The following GRIK3 variants were observed in gnomAD, a reference collection of about 807,000 sequenced individuals.
The protein encoded by GRIK3 is glutamate ionotropic receptor kainate type subunit 3.
GRIK3 carries 29 observed loss-of-function variants against 102.5 expected under a neutral mutation model. That is an observed-to-expected ratio of 0.28 (90% confidence interval 0.21 to 0.39). The LOEUF (loss-of-function observed/expected upper bound fraction) is 0.39, where lower values mean the gene tolerates loss of function less well. Ranked by LOEUF, GRIK3 falls within the 10% of genes least tolerant of loss-of-function variation. The probability of loss-of-function intolerance (pLI) is 1.00; values close to 1 mark genes in which losing one functional copy is unlikely to be tolerated. For missense variants in GRIK3, 908 were observed against 1,252.4 expected (o/e 0.73, Z 4.15); for synonymous variants, 511 against 504.9 (o/e 1.01, Z -0.16).
chr1:36,807,772 C>G (rs536864388), intron 13 of GRIK3, among the ~76,000 whole-genome samples: 15 of 152,168 alleles, frequency 9.9e-5, no homozygotes, highest in Non-Finnish European at 2.1e-4. Flanking sequence ...CATCTGAGCA[C>G]CATATCAGTT....
At chr1:37,004,827 C>T (rs1390328629) in intron 1 of GRIK3, among the ~76,000 whole-genome samples, 1 of 152,218 alleles carries the variant, frequency 6.6e-6, no homozygotes, top group African/African-American at 2.4e-5. Context: ...CTTCCTCATC[C>T]CTCTTCCCAC....
chr1:36,840,836 G>C (rs1342923759), intron 10 of GRIK3, among the ~76,000 whole-genome samples: 1 of 152,248 alleles, frequency 6.6e-6, no homozygotes, highest in Non-Finnish European at 1.5e-5. Flanking sequence ...CTGGGCCACA[G>C]CCTGGGCGTC....
chr1:36,935,090 C>T (rs1360716105), intron 1 of GRIK3, among the ~76,000 whole-genome samples: 1 of 152,218 alleles, frequency 6.6e-6, no homozygotes, highest in Non-Finnish European at 1.5e-5. Flanking sequence ...TATTCTGTTA[C>T]ATGCACTTAG....
chr1:36,907,932 G>A (rs1243043309), intron 1 of GRIK3, among the ~76,000 whole-genome samples: 1 of 152,102 alleles, frequency 6.6e-6, no homozygotes, highest in African/African-American at 2.4e-5. Context: ...TTGCCCAGGA[G>A]GAGGGGTCAC....
intron 1 of GRIK3, among the ~76,000 whole-genome samples, chr1:36,983,729 A>G (rs998507390): frequency 6.6e-6 from 1 of 152,100 alleles, no homozygotes; most frequent in Non-Finnish European, 1.5e-5. Context: ...CCCCCAGTTT[A>G]AATTAAGTTC....
At chr1:36,995,371 TTGAC>T (rs948297056) in intron 1 of GRIK3, among the ~76,000 whole-genome samples, 2 of 152,180 alleles carry the variant, frequency 1.3e-5, no homozygotes, top group Non-Finnish European at 2.9e-5. Flanking sequence ...CTTCAAATGA[TTGAC>T]TAAGCCTGGG....
chr1:36,892,217 C>T (rs1641125731), intron 1 of GRIK3, among the ~76,000 whole-genome samples: 1 of 152,136 alleles, frequency 6.6e-6, no homozygotes, highest in African/African-American at 2.4e-5. Flanking sequence ...TGGGATTTCA[C>T]CATGTTGGCC....
At chr1:36,942,098 G>T (rs1641727169) in intron 1 of GRIK3, among the ~76,000 whole-genome samples, 1 of 152,212 alleles carries the variant, frequency 6.6e-6, no homozygotes, top group Non-Finnish European at 1.5e-5. Flanking sequence ...TGCCAGCCTG[G>T]GGTTGGGAGA....
At position 36,819,195 on chromosome 1, in the gene GRIK3, C is replaced by T. The variant is rs1417442876; in HGVS notation, c.1873+541G>A. On this transcript the variant is annotated intron_variant, in intron 12 of 15. Transcript: ENST00000373091. This position sits in a 1 kb window ranked among gnomAD's most constrained non-coding sequence, Gnocchi z 4.1. ...CAACTCAGCCATGATCCTTCCTACTCCCAGGCACCTCACAGCCAAGCGGCC... is the reference window on the plus strand; with the variant it reads ...CAACTCAGCCATGATCCTTCCTACTTCCAGGCACCTCACAGCCAAGCGGCC... 6.6e-6 allele frequency among the ~76,000 whole-genome samples: 1 copy of T among 152,230 alleles called. No individual in the cohort carries two copies. Among genetic ancestry groups the T allele is most frequent in the East Asian group, 1.9e-4 (1 of 5,192 alleles).
At chr1:36,821,611 C>T (rs995246514) in intron 11 of GRIK3, among the ~76,000 whole-genome samples, 2 of 152,234 alleles carry the variant, frequency 1.3e-5, no homozygotes, top group South Asian at 4.1e-4. Context: ...GTCCACAGTG[C>T]TTCCCCTGGA....
chr1:37,034,154 C>A lies in GRIK3; in HGVS notation c.-46G>T. The A allele has an allele frequency of 1.0e-6, 1 of 1,000,112 alleles. No individual in the cohort carries two copies. The highest frequency in any genetic ancestry group is 1.4e-6 in the Non-Finnish European group (1 of 707,002). 62.0% of individuals were successfully genotyped at this position (1,000,112 alleles called of 1,614,324 possible). The stretch of plus-strand genomic sequence containing the variant: ...GCCCGGGGCGCGGCCGTGGCGGGCT[C>A]CCTGGGGCGGCAGCTCTAGGCGCGG... On this transcript the variant is annotated 5_prime_UTR_variant, in exon 1 of 16. Coordinates refer to ENST00000373091, the MANE Select transcript of GRIK3 (RefSeq NM_000831.4).
intron 5 of GRIK3, among the ~76,000 whole-genome samples, chr1:36,862,747 T>A (rs1415547091): frequency 6.6e-6 from 1 of 152,156 alleles, no homozygotes; most frequent in Non-Finnish European, 1.5e-5. Context: ...AGTTGCCTCA[T>A]CTGCAAAATG....
chr1:36,887,818 AG>A (rs1481642054), intron 2 of GRIK3, among the ~76,000 whole-genome samples: 2 of 150,276 alleles, frequency 1.3e-5, no homozygotes, highest in African/African-American at 4.9e-5. Context: ...TGAGAGAGAG[AG>A]AGAGACAGAG....
At chr1:36,904,149 TA>T (rs968129376) in intron 1 of GRIK3, among the ~76,000 whole-genome samples, 1 of 152,048 alleles carries the variant, frequency 6.6e-6, no homozygotes, top group Non-Finnish European at 1.5e-5. Context: ...TAAAATCTAT[TA>T]AAAAGAAAAA....
At chr1:36,961,784 C>T (rs1192283240) in intron 1 of GRIK3, among the ~76,000 whole-genome samples, 1 of 152,246 alleles carries the variant, frequency 6.6e-6, no homozygotes, top group Non-Finnish European at 1.5e-5. Flanking sequence ...TCTTTGTTCT[C>T]CAGCCCACCT....
chr1:36,883,108 A>G (rs1428433239), intron 2 of GRIK3, among the ~76,000 whole-genome samples: 3 of 152,214 alleles, frequency 2.0e-5, no homozygotes, highest in African/African-American at 7.2e-5. Context: ...GGAATGACCC[A>G]CTGGGCACAG....
At position 36,825,589 on chromosome 1, in the gene GRIK3, A is replaced by G. The variant is rs1642746945; in HGVS notation, c.1754+14T>C. Reference sequence around the variant, plus strand: ...CAACCTTGGGCCCGATGTCTGGCCAAGGAATTGCCTTACCTGGCGATGACG... The same window carrying G: ...CAACCTTGGGCCCGATGTCTGGCCAGGGAATTGCCTTACCTGGCGATGACG... On this transcript the variant is annotated intron_variant, in intron 11 of 15. Transcript: ENST00000373091. 6.5e-7 allele frequency: 1 copy of G among 1,538,884 alleles called. No individual in the cohort carries two copies. The highest frequency in any genetic ancestry group is 1.4e-5 in the African/African-American group (1 of 72,734).
chr1:36,902,563 T>C lies in GRIK3; in HGVS notation c.116-11467A>G, dbSNP rs1266039011. On this transcript the variant is annotated intron_variant, in intron 1 of 15. Coordinates refer to ENST00000373091, the MANE Select transcript of GRIK3 (RefSeq NM_000831.4). ...AATCTAGACACAGACCTTACACCCT[T>C]CACAAAAATGAACTCAAAGTGTATC... Among the ~76,000 whole-genome samples, 3 of 152,100 alleles carry C rather than the reference T, an allele frequency of 2.0e-5. No homozygotes were observed. The East Asian group carries it at 5.8e-4, about 29-fold the overall frequency.
chr1:36,845,158 G>T (rs1446793591), intron 9 of GRIK3, among the ~76,000 whole-genome samples: 1 of 152,182 alleles, frequency 6.6e-6, no homozygotes, highest in Admixed American at 6.5e-5. Flanking sequence ...CATTTCCTAG[G>T]GGGTAATTCT....
Sources: gnomAD v4.1 joint callset for allele counts (sites outside exome capture counted in the v4.1 genomes callset) on GRCh38, gnomAD v4.1.1 for gene constraint, Gnocchi (gnomAD v3.1) non-coding constraint, MANE v1.5 for transcripts, NCBI Gene and HGNC (gene_info 2026-07-23, HGNC 2026-07-21) for gene names.